RASGRF2: variants seen among roughly 807,000 people sequenced by gnomAD.
RASGRF2 encodes ras-specific guanine nucleotide-releasing factor 2.
In RASGRF2, 76 loss-of-function variants were observed where a neutral mutation model predicts 151.0. The ratio of observed to expected loss-of-function variants is 0.50; its 90% CI spans 0.42 to 0.61. The LOEUF (loss-of-function observed/expected upper bound fraction) is 0.61, where lower values mean the gene tolerates loss of function less well. RASGRF2 is among the 20% of genes least tolerant of loss of function. The probability of loss-of-function intolerance (pLI) is 0.00; values close to 1 mark genes in which losing one functional copy is unlikely to be tolerated. For synonymous variants in RASGRF2, 504 were observed against 566.5 expected, an observed-to-expected ratio of 0.89 and a Z score of 1.57; for missense variants, 1,148 against 1,564.6, an observed-to-expected ratio of 0.73 and a Z score of 4.49.
chr5:81,103,865 A>G (rs1426967818), intron 12 of RASGRF2, among the ~76,000 whole-genome samples: 2 of 152,196 alleles, frequency 1.3e-5, no homozygotes, highest in East Asian at 3.8e-4. Flanking sequence ...ATTTATGTTT[A>G]TATAGTGGGA....
At chr5:81,160,038 A>G (rs758029508) in intron 17 of RASGRF2, among the ~76,000 whole-genome samples, 6 of 152,252 alleles carry the variant, frequency 3.9e-5, no homozygotes, top group Non-Finnish European at 7.3e-5. Context: ...CTGTAATCCC[A>G]GCACTTTGCG....
chr5:81,029,980 C>T (rs959554604), intron 1 of RASGRF2, among the ~76,000 whole-genome samples: 6 of 152,182 alleles, frequency 3.9e-5, no homozygotes, highest in Non-Finnish European at 8.8e-5. Context: ...AGCTGAAAAC[C>T]ATGGCACGAG....
chr5:81,043,244 A>C (rs1750734968), intron 2 of RASGRF2, among the ~76,000 whole-genome samples: 1 of 152,210 alleles, frequency 6.6e-6, no homozygotes, highest in Non-Finnish European at 1.5e-5. Flanking sequence ...GCCAAGCACT[A>C]TTATATGTGC....
intron 19 of RASGRF2, 140 bp downstream of exon 19, chr5:81,201,582 C>G: frequency 1.0e-6 from 1 of 978,948 alleles, no homozygotes; most frequent in South Asian, 2.1e-5. Flanking sequence ...GTATTATCTT[C>G]TCTTTCCTGG....
intron 2 of RASGRF2, among the ~76,000 whole-genome samples, chr5:81,056,074 A>T (rs1242991341): frequency 3.3e-5 from 5 of 151,974 alleles, no homozygotes; most frequent in Non-Finnish European, 7.4e-5. Context: ...TTTTCAAAAA[A>T]CCAGCTCCTG....
chr5:81,070,166 G>A (rs1751729383), intron 3 of RASGRF2: 1 of 288,730 alleles, frequency 3.5e-6, no homozygotes, highest in Non-Finnish European at 6.8e-6. Context: ...CAGGCGAGGG[G>A]ATGGACATAT....
At chr5:80,992,728 C>T (rs1299747772) in intron 1 of RASGRF2, among the ~76,000 whole-genome samples, 1 of 152,144 alleles carries the variant, frequency 6.6e-6, no homozygotes, top group African/African-American at 2.4e-5. Flanking sequence ...ATCCCTGCCT[C>T]ATTTCAAATG....
chr5:81,022,246 T>A (rs750095263), intron 1 of RASGRF2, among the ~76,000 whole-genome samples: 30 of 152,190 alleles, frequency 2.0e-4, no homozygotes, highest in Non-Finnish European at 2.5e-4. Flanking sequence ...CAGGTCTCTC[T>A]TGCTGGGGCT....
intron 17 of RASGRF2, among the ~76,000 whole-genome samples, chr5:81,150,828 T>C (rs1470107760): frequency 6.6e-6 from 1 of 152,230 alleles, no homozygotes; most frequent in Non-Finnish European, 1.5e-5. Context: ...AGACCCAGAA[T>C]GAATCTGTGC....
chr5:80,969,812 CTTCTTTTTTTTTTTT>C (rs1036133448), intron 1 of RASGRF2, among the ~76,000 whole-genome samples: 5 of 98,914 alleles, frequency 5.1e-5, no homozygotes, highest in African/African-American at 2.2e-4. Flanking sequence ...AATACTTCTT[CTTCTTTTTTTTTTTT>C]TTTTTTTTTT....
rs116506486 is a variant in RASGRF2, at chr5:81,208,756, G to A, written c.3156+318G>A. ...TTTAGTAAAGGGGTTTCACCATGTC[G>A]GCCAGACTGGTCTCGAACTCCTGAC... On this transcript the variant is annotated intron_variant, in intron 22 of 26. Coordinates refer to ENST00000265080, the MANE Select transcript of RASGRF2 (RefSeq NM_006909.3). Among the ~76,000 whole-genome samples, 668 of 151,824 alleles carry A rather than the reference G, an allele frequency of 4.4e-3. 6 individuals carry two copies. Among genetic ancestry groups the A allele is most frequent in the African/African-American group, 0.015 (609 of 41,416 alleles).
At chr5:81,099,207 G>A (rs146562705) in intron 12 of RASGRF2, among the ~76,000 whole-genome samples, 1 of 152,266 alleles carries the variant, frequency 6.6e-6, no homozygotes, top group Non-Finnish European at 1.5e-5. Context: ...TAATTGTACA[G>A]TTTGCCTCTC....
At chr5:81,015,285 A>G (rs953707930) in intron 1 of RASGRF2, among the ~76,000 whole-genome samples, 2 of 152,208 alleles carry the variant, frequency 1.3e-5, no homozygotes, top group African/African-American at 4.8e-5. Flanking sequence ...TATAGCCAGT[A>G]ATGGGATTGC....
At position 81,058,895 on chromosome 5, in the gene RASGRF2, A is replaced by G. The variant is rs933584196; in HGVS notation, c.396-9137A>G. Among the ~76,000 whole-genome samples, 7 of 152,276 alleles carry G rather than the reference A, an allele frequency of 4.6e-5. No homozygotes were observed. In the East Asian group the frequency reaches 1.2e-3, roughly 25 times the overall value. The stretch of plus-strand genomic sequence containing the variant: ...TTAGATGATTTATTTCATTTGAATA[A>G]TATGATTTATTTCATTTGACAATGA... On this transcript the variant is annotated intron_variant, in intron 2 of 26. Transcript: ENST00000265080.
At chr5:81,116,676 T>C (rs936248232) in intron 15 of RASGRF2, among the ~76,000 whole-genome samples, 3 of 152,334 alleles carry the variant, frequency 2.0e-5, no homozygotes, top group Middle Eastern at 3.4e-3. Flanking sequence ...AATCATTGAA[T>C]AATACCCCAT....
At chr5:81,070,613 G>T (rs745409987) in intron 4 of RASGRF2, 32 bp downstream of exon 4, 19 of 1,532,192 alleles carry the variant, frequency 1.2e-5, no homozygotes, top group Middle Eastern at 1.7e-4. Context: ...CTTTGTAGGA[G>T]CATGGTGACC....
chr5:81,000,904 T>C (rs1411001943), intron 1 of RASGRF2, among the ~76,000 whole-genome samples: 2 of 152,256 alleles, frequency 1.3e-5, no homozygotes, highest in Non-Finnish European at 2.9e-5. Flanking sequence ...TCCGTCACTC[T>C]GAAGACATGT....
At chr5:81,140,925 C>T (rs1753869900) in intron 17 of RASGRF2, among the ~76,000 whole-genome samples, 2 of 151,812 alleles carry the variant, frequency 1.3e-5, no homozygotes, top group African/African-American at 4.8e-5. Context: ...CAGCCACTGC[C>T]CAGCCCCTGC....
At chr5:81,023,448 C>T (rs182998667) in intron 1 of RASGRF2, among the ~76,000 whole-genome samples, 29 of 152,262 alleles carry the variant, frequency 1.9e-4, no homozygotes, top group South Asian at 1.0e-3. Context: ...TGTGAAGCCC[C>T]AGATCTGAGA....
Sources: allele counts gnomAD v4.1 joint callset (sites outside exome capture counted in the v4.1 genomes callset), GRCh38; gene constraint gnomAD v4.1.1; transcripts MANE v1.5; gene names NCBI Gene and HGNC (gene_info 2026-07-23, HGNC 2026-07-21).